GPATCH8: variants seen among roughly 807,000 people sequenced by gnomAD.
GPATCH8 encodes G patch domain-containing protein 8.
In GPATCH8, 18 loss-of-function variants were observed where a neutral mutation model predicts 118.3. That is an observed-to-expected ratio of 0.15 (90% confidence interval 0.11 to 0.23). The LOEUF is 0.23. GPATCH8 is among the 10% of genes least tolerant of loss of function. The probability of loss-of-function intolerance (pLI) is 1.00; values close to 1 mark genes in which losing one functional copy is unlikely to be tolerated. For synonymous variants in GPATCH8, 659 were observed against 684.7 expected (o/e 0.96, Z 0.59); for missense variants, 1,631 against 1,873.8 (o/e 0.87, Z 2.39).
chr17:44,434,419 G>T (rs561696550), intron 5 of GPATCH8, among the ~76,000 whole-genome samples: 2 of 152,238 alleles, frequency 1.3e-5, no homozygotes, highest in South Asian at 4.1e-4. Flanking sequence ...AAACAAGAAA[G>T]GGGGTCAAGC....
At chr17:44,406,159 G>A in intron 6 of GPATCH8, 108 bp from the exon 7 acceptor site, 1 of 821,814 alleles carries the variant, frequency 1.2e-6, no homozygotes, top group Non-Finnish European at 2.1e-6. Flanking sequence ...CATGGTATTA[G>A]TGTTGAACAC....
chr17:44,422,460 G>A (rs918520552), intron 6 of GPATCH8, among the ~76,000 whole-genome samples: 7 of 151,596 alleles, frequency 4.6e-5, no homozygotes, highest in Non-Finnish European at 7.4e-5. Context: ...AAAGTGCTGC[G>A]ATTACAGGTG....
chr17:44,404,457 T>G (rs1021201010), intron 7 of GPATCH8, among the ~76,000 whole-genome samples: 2 of 152,168 alleles, frequency 1.3e-5, no homozygotes, highest in Non-Finnish European at 2.9e-5. Flanking sequence ...CTTTTTAATA[T>G]AAATGTTAGA....
Position 44,407,545 on chromosome 17 carries a change from T to C in GPATCH8, c.493-1494A>G, listed in dbSNP as rs75113986. Among the ~76,000 whole-genome samples the C allele has an allele frequency of 5.8e-4, 89 of 152,288 alleles. No homozygotes were observed. In the East Asian group the frequency reaches 0.016, roughly 28 times the overall value. ...TCTTCCAGAAAAATGGTTCCAGAAC[T>C]TTGGAAAAGACCATTATGGTATTAA... is the stretch of plus-strand genomic sequence containing the variant. On this transcript the variant is annotated intron_variant, in intron 6 of 7. Transcript: ENST00000591680.
chr17:44,488,839 C>G (rs1969002430), intron 1 of GPATCH8, among the ~76,000 whole-genome samples: 1 of 151,592 alleles, frequency 6.6e-6, no homozygotes, highest in African/African-American at 2.4e-5. Flanking sequence ...GTAATCCCAG[C>G]ACTTCATGAG....
rs1434983818 is a variant in GPATCH8 at position 44,397,527 on chromosome 17, G to A, written c.*41C>T. 1 of 1,354,222 alleles carries A rather than the reference G, an allele frequency of 7.4e-7. No individual in the cohort carries two copies. Among genetic ancestry groups the A allele is most frequent in the Non-Finnish European group, 1.1e-6 (1 of 944,000 alleles). The allele number at this position is 1,354,222 out of a possible 1,614,324, so 83.9% of individuals were successfully genotyped here. On this transcript the variant is annotated 3_prime_UTR_variant, in exon 8 of 8. Transcript: ENST00000591680. Reference sequence around the variant, plus strand: ...CAACACCCCCAAGGGAACATTTATGGGTCTCCTCCCCTGGCCCTACCTAGG... The same window carrying A: ...CAACACCCCCAAGGGAACATTTATGAGTCTCCTCCCCTGGCCCTACCTAGG...
In GPATCH8 at chr17:44,436,514, C is replaced by T. The variant is rs2050520025; in HGVS notation, c.225G>A (p.Lys75=). Residue 75 remains lysine (K), a synonymous_variant, in exon 4 of 8, where the codon AAG becomes AAA. Transcript: ENST00000591680. Reference sequence around the variant, plus strand: ...TGCGACCCATGCCCATGACATCATACTTGACAACGATTGGAATGGGATCTG... The same window carrying T: ...TGCGACCCATGCCCATGACATCATATTTGACAACGATTGGAATGGGATCTG... ...GRTDPIPIVV[K]YDVMGMGRME... 8.6e-6 allele frequency: 13 copies of T among 1,516,870 alleles called. No individual in the cohort carries two copies. The highest frequency in any genetic ancestry group is 1.2e-5 in the Non-Finnish European group (13 of 1,091,048). The allele number at this position is 1,516,870 out of a possible 1,614,324, so 94.0% of individuals were successfully genotyped here.
intron 4 of GPATCH8, 64 bp downstream of exon 4, chr17:44,436,414 A>G (rs2144043954): frequency 1.2e-6 from 1 of 802,600 alleles, no homozygotes; most frequent in Non-Finnish European, 2.3e-6. Flanking sequence ...CAGACATCTG[A>G]ATTTGGAATT....
rs1156293747 is a variant in GPATCH8, at chr17:44,398,706, T to C, written c.3371A>G (p.Lys1124Arg). 1 of 1,599,280 alleles carries C rather than the reference T, an allele frequency of 6.3e-7. No homozygotes were observed. Among genetic ancestry groups the C allele is most frequent in the South Asian group, 1.1e-5 (1 of 88,632 alleles). ...CCCAAAGTAACCTTGTGGGGGGTCC[T>C]TGAGCTTGGGCCCAGCTTTATTAGG... ...ATPNKAGPKL[K>R]DPPQGYFGPK... The change falls in exon 8 of 8, where the codon AAG (lysine) becomes AGG (arginine). Residue 1124 changes from lysine to arginine, a missense_variant. Physicochemically the swap from Lys to Arg is conservative, Grantham distance 26 (BLOSUM62 2). This residue lies in a region of GPATCH8 where 922 missense variants were observed against 879.7 expected (regional missense o/e 1.05). Coordinates refer to ENST00000591680, the MANE Select transcript of GPATCH8 (RefSeq NM_001002909.4).
In GPATCH8 at chr17:44,400,820, T is replaced by C. The variant is rs1231868699; in HGVS notation, c.1257A>G (p.Gln419=). The C allele has an allele frequency of 3.7e-6, 6 of 1,614,080 alleles. No homozygotes were observed. The highest frequency in any genetic ancestry group is 5.1e-6 in the Non-Finnish European group (6 of 1,180,014). Residue 419 remains glutamine, a synonymous_variant, in exon 8 of 8, where the codon CAA becomes CAG. Coordinates refer to ENST00000591680, the MANE Select transcript of GPATCH8 (RefSeq NM_001002909.4). The stretch of plus-strand genomic sequence containing the variant: ...GGTGTGTAGTATTATCACCATCCAT[T>C]TGTTCACTGGCTCTCATAAAAAGTA... The part of the protein sequence containing the change: ...PFLLFMRASE[Q]MDGDNTTHPK...
Position 44,399,287 on chromosome 17 carries a change from A to T in GPATCH8, c.2790T>A (p.Ser930=). The change falls in exon 8 of 8, where the codon TCT becomes TCA. Residue 930 remains serine (S), a synonymous_variant. Transcript: ENST00000591680. The part of the protein sequence containing the change: ...KHRSKRHKYS[S]SDDDYSLSCS... ...AACTGAGGCTATAGTCATCATCAGA[A>T]GATGAATATTTGTGCCGTTTTGATC... 6.8e-6 allele frequency: 11 copies of T among 1,613,530 alleles called. No individual in the cohort carries two copies. Among genetic ancestry groups the T allele is most frequent in the Non-Finnish European group, 9.3e-6 (11 of 1,179,404 alleles).
At chr17:44,418,699 C>T (rs1038673388) in intron 6 of GPATCH8, among the ~76,000 whole-genome samples, 1 of 152,130 alleles carries the variant, frequency 6.6e-6, no homozygotes, top group Non-Finnish European at 1.5e-5. Flanking sequence ...GATCCGCCAG[C>T]CTCGGCCTCC....
At chr17:44,421,277 G>GTTGCAGTGAGCCGAGATCGC (rs2049891037) in intron 6 of GPATCH8, among the ~76,000 whole-genome samples, 1 of 151,772 alleles carries the variant, frequency 6.6e-6, no homozygotes, top group African/African-American at 2.4e-5. Context: ...GGAGGCGGAG[G>GTTGCAGTGAGCCGAGATCGC]TTGCAGTGAG....
In GPATCH8 at chr17:44,424,760, CAAAAAAT is replaced by C. The variant is rs552792784; in HGVS notation, c.349-275_349-269del. Among the ~76,000 whole-genome samples the C allele has an allele frequency of 2.7e-3, 406 of 152,180 alleles. 7 individuals are homozygous for C. The highest frequency in any genetic ancestry group is 0.025 in the Admixed American group (378 of 15,278). On this transcript the variant is annotated intron_variant, in intron 5 of 7. Coordinates refer to ENST00000591680, the MANE Select transcript of GPATCH8 (RefSeq NM_001002909.4). ...TATAATGCAAATATTCCAAAACCCC[CAAAAAAT>C]CTGAAATCTGAAACACCTTTGGTCT... is the stretch of plus-strand genomic sequence containing the variant.
At chr17:44,418,495 C>A (rs1200410593) in intron 6 of GPATCH8, among the ~76,000 whole-genome samples, 3 of 149,866 alleles carry the variant, frequency 2.0e-5, no homozygotes, top group Admixed American at 2.0e-4. Context: ...TGCTCTGTCG[C>A]CCAGGCTGGA....
chr17:44,462,640 G>A (rs1460896067), intron 3 of GPATCH8, among the ~76,000 whole-genome samples: 1 of 152,150 alleles, frequency 6.6e-6, no homozygotes. Flanking sequence ...TGTGTCACCA[G>A]TCAATAGAAT....
intron 1 of GPATCH8, among the ~76,000 whole-genome samples, chr17:44,493,658 T>C (rs1182838407): frequency 6.6e-6 from 1 of 151,780 alleles, no homozygotes; most frequent in Non-Finnish European, 1.5e-5. Context: ...GAGGCAGAGG[T>C]GGGAGGATGG....
chr17:44,502,839 G>A (rs927634613), intron 1 of GPATCH8, among the ~76,000 whole-genome samples: 3 of 152,214 alleles, frequency 2.0e-5, no homozygotes, highest in African/African-American at 7.2e-5. Context: ...AGGAAAAGCA[G>A]ACAATGAAAG....
intron 6 of GPATCH8, among the ~76,000 whole-genome samples, chr17:44,418,673 G>A (rs947558587): frequency 1.3e-5 from 2 of 152,022 alleles, no homozygotes; most frequent in Non-Finnish European, 2.9e-5. Flanking sequence ...GGATGGTCTC[G>A]ATCTCCTGAC....
Sources: allele counts gnomAD v4.1 joint callset (sites outside exome capture counted in the v4.1 genomes callset), GRCh38; gene constraint gnomAD v4.1.1; regional missense constraint gnomAD v4.1.1; transcripts MANE v1.5; gene names NCBI Gene and HGNC (gene_info 2026-07-23, HGNC 2026-07-21).